SLC35D1: variants seen among roughly 807,000 people sequenced by gnomAD.
SLC35D1 encodes the protein solute carrier family 35 member D1, also known as nucleotide sugar transporter SLC35D1.
In SLC35D1, 31 loss-of-function variants were observed where a neutral mutation model predicts 46.7. The ratio of observed to expected loss-of-function variants is 0.66; its 90% CI spans 0.50 to 0.90. The LOEUF (loss-of-function observed/expected upper bound fraction) is 0.90. Among genes scored for constraint, SLC35D1 ranks in the 40% least tolerant of loss-of-function variants. The pLI is 0.00. For missense variants in SLC35D1, 397 were observed against 426.2 expected (o/e 0.93, Z 0.60); for synonymous variants, 195 against 164.6 (o/e 1.18, Z -1.41).
chr1:66,979,332 T>C, the SLC35D1 span, among the ~76,000 whole-genome samples: 1 of 152,206 alleles, frequency 6.6e-6, no homozygotes, highest in Non-Finnish European at 1.5e-5. Context: ...TTGAGTGAAT[T>C]TTCTCATCCT....
Position 67,052,958 on chromosome 1 carries a change from G to T in SLC35D1, c.235C>A (p.Gln79Lys). The T allele has an allele frequency of 6.2e-7, 1 of 1,614,060 alleles. No homozygotes were observed. Among genetic ancestry groups the T allele is most frequent in the African/African-American group, 1.3e-5 (1 of 75,022 alleles). The change falls in exon 2 of 12, where the codon CAG (glutamine) becomes AAG (lysine). Residue 79 changes from glutamine to lysine, a missense_variant and splice_region_variant. Transcript: ENST00000235345. Reference sequence around the variant, plus strand: ...TAATGGTGAGGATTCCAACTAACCTGGCCAAGTCCAACACATAGTGAGGAG... The same window carrying T: ...TAATGGTGAGGATTCCAACTAACCTTGCCAAGTCCAACACATAGTGAGGAG... ...FPSSLCVGLGQMVATVAVLWV... is the reference protein window; with the variant it reads ...FPSSLCVGLGKMVATVAVLWV...
At chr1:67,030,587 A>ATT (rs546746547) in intron 8 of SLC35D1, among the ~76,000 whole-genome samples, 3 of 148,708 alleles carry the variant, frequency 2.0e-5, no homozygotes, top group African/African-American at 7.4e-5. Context: ...ATTACTTTTA[A>ATT]TTTTTTTTTT....
intron 6 of SLC35D1, among the ~76,000 whole-genome samples, chr1:67,049,207 T>C (rs1419188305): frequency 6.6e-6 from 1 of 150,814 alleles, no homozygotes; most frequent in East Asian, 1.9e-4. Flanking sequence ...GGCAGGAGAA[T>C]GGCGTAAACC....
At chr1:66,986,466 T>A in the SLC35D1 span, 10 of 1,609,476 alleles carry the variant, frequency 6.2e-6, no homozygotes, top group Non-Finnish European at 7.7e-6. Flanking sequence ...AATGCCTTTT[T>A]AAAATAAAGC....
chr1:66,973,343 T>A, the SLC35D1 span, among the ~76,000 whole-genome samples: 1 of 152,098 alleles, frequency 6.6e-6, no homozygotes, highest in Non-Finnish European at 1.5e-5. Context: ...TTGGAAACTT[T>A]AAAGCACTTT....
the SLC35D1 span, chr1:66,988,351 A>C: frequency 4.6e-5 from 7 of 152,090 alleles, no homozygotes; most frequent in Admixed American, 2.0e-4. Context: ...TATCAAGTTC[A>C]TCCTTTGCAG....
Position 67,004,370 on chromosome 1 carries a change from C to G in SLC35D1, c.1038G>C (p.Lys346Asn). 1.2e-6 allele frequency: 2 copies of G among 1,614,012 alleles called. No individual in the cohort carries two copies. Among genetic ancestry groups the G allele is most frequent in the Non-Finnish European group, 1.7e-6 (2 of 1,179,950 alleles). The change falls in exon 12 of 12, where the codon AAG becomes AAC. Residue 346 changes from lysine to asparagine, a missense_variant. Coordinates refer to ENST00000235345, the MANE Select transcript of SLC35D1 (RefSeq NM_015139.3). ...QLSKQSEANN[K>N]LDIKGKGAV ...CTGCTCCTTTCCCCTTAATGTCCAGCTTGTTATTAGCCTCTGACTGTTTGC... is the reference window on the plus strand; with the variant it reads ...CTGCTCCTTTCCCCTTAATGTCCAGGTTGTTATTAGCCTCTGACTGTTTGC...
chr1:67,009,510 GA>G (rs1309223009), intron 10 of SLC35D1, among the ~76,000 whole-genome samples: 2 of 152,012 alleles, frequency 1.3e-5, no homozygotes, highest in Non-Finnish European at 2.9e-5. Context: ...AACCCCATTA[GA>G]AAATGGGAAA....
chr1:67,021,603 C>G lies in SLC35D1; in HGVS notation c.730-1G>C. 1 of 1,613,880 alleles carries G rather than the reference C, an allele frequency of 6.2e-7. No homozygotes were observed. Among genetic ancestry groups the G allele is most frequent in the Non-Finnish European group, 8.5e-7 (1 of 1,179,886 alleles). Reference sequence around the variant, plus strand: ...CAGCCCAGCCTTCAAACTCCACAGCCTGCAACACACAAGAAAGCATTAAAT... The same window carrying G: ...CAGCCCAGCCTTCAAACTCCACAGCGTGCAACACACAAGAAAGCATTAAAT... On this transcript the variant is annotated splice_acceptor_variant, in intron 8 of 11. Coordinates refer to ENST00000235345, the MANE Select transcript of SLC35D1 (RefSeq NM_015139.3). LOFTEE classifies it high-confidence loss of function.
chr1:66,984,612 G>C, the SLC35D1 span: 1 of 1,609,288 alleles, frequency 6.2e-7, no homozygotes, highest in South Asian at 1.1e-5. Context: ...TAAACAAAGA[G>C]GAAGTAAAAG....
chr1:66,984,788 C>G, the SLC35D1 span: 1 of 1,613,968 alleles, frequency 6.2e-7, no homozygotes, highest in African/African-American at 1.3e-5. Flanking sequence ...GAGAGACCTG[C>G]CAAAAGGCGA....
intron 8 of SLC35D1, among the ~76,000 whole-genome samples, chr1:67,030,502 A>T (rs1376089468): frequency 2.5e-4 from 38 of 152,176 alleles, no homozygotes; most frequent in Admixed American, 2.4e-3. Flanking sequence ...AATTACAAAA[A>T]ATATATATAT....
At chr1:66,992,425 G>A in the SLC35D1 span, among the ~76,000 whole-genome samples, 7 of 152,184 alleles carry the variant, frequency 4.6e-5, no homozygotes, top group Non-Finnish European at 4.4e-5. Flanking sequence ...AAATGAAGCC[G>A]GTGAGTGAGA....
rs577180353 is a variant in SLC35D1, at chr1:67,034,208, T to C, written c.729+8028A>G. 3.1e-4 allele frequency among the ~76,000 whole-genome samples: 47 copies of C among 152,312 alleles called. 1 individual carries two copies. The South Asian group carries it at 9.5e-3, about 31-fold the overall frequency. On this transcript the variant is annotated intron_variant, in intron 8 of 11. Coordinates refer to ENST00000235345, the MANE Select transcript of SLC35D1 (RefSeq NM_015139.3). ...TGGTTCCACATAAATTTTAGGATAT[T>C]TTTTTCTACTTCTGTGAAGAATTTC...
chr1:66,987,679 ATAC>A, the SLC35D1 span: 1 of 152,690 alleles, frequency 6.5e-6, no homozygotes, highest in African/African-American at 2.4e-5. Context: ...TGCCTACATA[ATAC>A]TGTGTGAATA....
In SLC35D1 at chr1:67,040,360, T is replaced by C. The variant is rs1185889924; in HGVS notation, c.729+1876A>G. ...AAATGTCAAATTCTTGTGTCTAGCA[T>C]TGGTCCTAATTTAGAAGGAATCAGG... On this transcript the variant is annotated intron_variant, in intron 8 of 11. Coordinates refer to ENST00000235345, the MANE Select transcript of SLC35D1 (RefSeq NM_015139.3). 3.9e-5 allele frequency among the ~76,000 whole-genome samples: 6 copies of C among 152,112 alleles called. No individual in the cohort carries two copies. In the East Asian group the frequency reaches 9.6e-4, roughly 24 times the overall value.
chr1:66,984,612 G>T, the SLC35D1 span: 1 of 1,609,288 alleles, frequency 6.2e-7, no homozygotes, highest in Admixed American at 1.7e-5. Context: ...TAAACAAAGA[G>T]GAAGTAAAAG....
intron 8 of SLC35D1, chr1:67,031,907 G>A (rs970712437): frequency 4.1e-6 from 1 of 246,204 alleles, no homozygotes; most frequent in African/African-American, 2.3e-5. Flanking sequence ...GGAAATAGAA[G>A]GCATGGTGAA....
intron 6 of SLC35D1, 151 bp downstream of exon 6, chr1:67,049,631 A>G: frequency 1.4e-6 from 1 of 720,532 alleles, no homozygotes; most frequent in Non-Finnish European, 2.4e-6. Context: ...TAATACAGCC[A>G]AAAAGATTTA....
Sources: gnomAD v4.1 joint callset for allele counts (sites outside exome capture counted in the v4.1 genomes callset) on GRCh38, gnomAD v4.1.1 for gene constraint, MANE v1.5 for transcripts, NCBI Gene and HGNC (gene_info 2026-07-23, HGNC 2026-07-21) for gene names.